TLN2: variants seen among roughly 807,000 people sequenced by gnomAD.
TLN2 encodes the protein talin 2.
Under a neutral mutation model 294.7 loss-of-function variants are expected in TLN2, and 118 were observed. That is an observed-to-expected ratio of 0.40 (90% CI 0.34 to 0.47). The LOEUF is 0.47. TLN2 is among the 20% of genes least tolerant of loss of function. The pLI is 0.84. For missense variants in TLN2, 3,083 were observed against 3,282.2 expected (o/e 0.94, Z 1.48); for synonymous variants, 1,431 against 1,304.5 (o/e 1.10, Z -2.09).
rs895565810 is a variant in TLN2, at chr15:62,711,816, C to G, written c.2468-95C>G. On this transcript the variant is annotated intron_variant, in intron 21 of 58. Transcript: ENST00000636159. ...GGTTCAGTTTTTTTGCTCCTGCTTA[C>G]CAGAGGAGTAGAGACAAGACTGTAG... 24 of 1,395,526 alleles carry G rather than the reference C, an allele frequency of 1.7e-5. No individual in the cohort carries two copies. In the African/African-American group the frequency reaches 3.3e-4, roughly 19 times the overall value. 86.4% of individuals were successfully genotyped at this position (1,395,526 alleles called of 1,614,324 possible).
chr15:62,540,263 C>A (rs1478340116), intron 1 of TLN2, among the ~76,000 whole-genome samples: 4 of 152,192 alleles, frequency 2.6e-5, no homozygotes, highest in Admixed American at 1.3e-4. Context: ...TCGCTTGAAC[C>A]CGGAAGGCAG....
chr15:62,410,433 C>T lies in TLN2; in HGVS notation c.-238+19748C>T, dbSNP rs149172183. Among the ~76,000 whole-genome samples, 123 of 152,056 alleles carry T rather than the reference C, an allele frequency of 8.1e-4. 2 individuals are homozygous for T. In the East Asian group the frequency reaches 0.01, roughly 12 times the overall value. The stretch of plus-strand genomic sequence containing the variant: ...CCTAAAAAGGATGAATTTTACTTTA[C>T]GTAATTATACTTTAATAAACCTGAT... On this transcript the variant is annotated intron_variant, in intron 1 of 58. Coordinates refer to ENST00000636159, the MANE Select transcript of TLN2 (RefSeq NM_015059.3).
chr15:62,486,956 C>G (rs1035555171), intron 1 of TLN2, among the ~76,000 whole-genome samples: 1 of 152,010 alleles, frequency 6.6e-6, no homozygotes, highest in Non-Finnish European at 1.5e-5. Flanking sequence ...TTGAACACAC[C>G]GTTAATCTCT....
At chr15:62,555,124 C>T (rs904967390) in intron 1 of TLN2, among the ~76,000 whole-genome samples, 1 of 152,146 alleles carries the variant, frequency 6.6e-6, no homozygotes, top group Non-Finnish European at 1.5e-5. Flanking sequence ...CTAAATCCTA[C>T]AGGCACACCC....
At chr15:62,758,958 C>T (rs34639998) in intron 37 of TLN2, among the ~76,000 whole-genome samples, 139,968 of 152,040 alleles carry the variant, frequency 0.92, 65,202 homozygotes, top group East Asian at 1. Context: ...ATGAATCTGA[C>T]TTTGTGCATA....
At position 62,425,629 on chromosome 15, in the gene TLN2, TTG is replaced by T. The variant is rs2034667978; in HGVS notation, c.-238+34946_-238+34947del. ...GGAGTGAGTCTTCCTGCTTTGGTGT[TTG>T]TCTCTTGTACTGTCATAATTGTGTT... On this transcript the variant is annotated intron_variant, in intron 1 of 58. Coordinates refer to ENST00000636159, the MANE Select transcript of TLN2 (RefSeq NM_015059.3). Among the ~76,000 whole-genome samples the T allele has an allele frequency of 3.9e-5, 6 of 152,224 alleles. No individual in the cohort carries two copies. The South Asian group carries it at 1.2e-3, about 32-fold the overall frequency.
At chr15:62,455,726 C>G (rs2036438417) in intron 1 of TLN2, among the ~76,000 whole-genome samples, 1 of 152,160 alleles carries the variant, frequency 6.6e-6, no homozygotes, top group African/African-American at 2.4e-5. Flanking sequence ...CCTCTAACAC[C>G]CTCTCTCCCT....
chr15:62,496,643 C>T (rs1178844572), intron 1 of TLN2, among the ~76,000 whole-genome samples: 1 of 152,178 alleles, frequency 6.6e-6, no homozygotes, highest in Non-Finnish European at 1.5e-5. Flanking sequence ...ATGATCAGTG[C>T]CTGATTGTTC....
chr15:62,766,280 G>T, intron 40 of TLN2, 41 bp from the exon 41 acceptor site: 1 of 1,560,734 alleles, frequency 6.4e-7, no homozygotes, highest in South Asian at 1.1e-5. Flanking sequence ...GCTCTGTGGG[G>T]AGCTGTTATG....
Position 62,578,557 on chromosome 15 carries a change from C to T in TLN2, c.-237-11130C>T, listed in dbSNP as rs915184322. The stretch of plus-strand genomic sequence containing the variant: ...CCCCAGCCTGGGTGACAGAACAAGA[C>T]TCCGTCTCAAAACAAACAAACAAAA... On this transcript the variant is annotated intron_variant, in intron 1 of 58. Coordinates refer to ENST00000636159, the MANE Select transcript of TLN2 (RefSeq NM_015059.3). Among the ~76,000 whole-genome samples, 8 of 152,286 alleles carry T rather than the reference C, an allele frequency of 5.3e-5. No individual in the cohort carries two copies. The East Asian group carries it at 1.4e-3, about 26-fold the overall frequency.
At chr15:62,434,583 C>T (rs2035193987) in intron 1 of TLN2, among the ~76,000 whole-genome samples, 1 of 152,114 alleles carries the variant, frequency 6.6e-6, no homozygotes, top group East Asian at 1.9e-4. Flanking sequence ...TTTAATATTG[C>T]TAAATTGTCC....
intron 1 of TLN2, among the ~76,000 whole-genome samples, chr15:62,542,773 A>G (rs1376663752): frequency 6.6e-6 from 1 of 152,076 alleles, no homozygotes; most frequent in Non-Finnish European, 1.5e-5. Flanking sequence ...GGGCCTCACC[A>G]TCATGCTGTC....
At chr15:62,662,120 T>C (rs944263014) in intron 9 of TLN2, among the ~76,000 whole-genome samples, 26 of 151,782 alleles carry the variant, frequency 1.7e-4, no homozygotes, top group African/African-American at 6.3e-4. Flanking sequence ...AGAGAATCAA[T>C]AAACCCAAAA....
intron 11 of TLN2, chr15:62,683,192 T>G (rs28550693): frequency 0.09 from 13,668 of 152,256 alleles, 982 homozygotes; most frequent in African/African-American, 0.2. Context: ...GAAGTGAGGG[T>G]CCAGGAGCCA....
chr15:62,601,198 T>G (rs1260903023), intron 2 of TLN2, among the ~76,000 whole-genome samples: 1 of 152,180 alleles, frequency 6.6e-6, no homozygotes, highest in Non-Finnish European at 1.5e-5. Flanking sequence ...CATTTTTGGT[T>G]GTCACAACTG....
chr15:62,472,001 A>G lies in TLN2; in HGVS notation c.-238+81316A>G, dbSNP rs1316727956. Among the ~76,000 whole-genome samples, 6 of 152,078 alleles carry G rather than the reference A, an allele frequency of 3.9e-5. No homozygotes were observed. The East Asian group carries it at 1.2e-3, about 29-fold the overall frequency. On this transcript the variant is annotated intron_variant, in intron 1 of 58. Coordinates refer to ENST00000636159, the MANE Select transcript of TLN2 (RefSeq NM_015059.3). ...CCCTGCGCTTGACATTCTCCACTGC[A>G]TTCAGAATAAAGTTCCAATATCTTA...
Position 62,763,686 on chromosome 15 carries a change from C to A in TLN2, c.5085C>A (p.Ile1695=). ...AGAGCCTGGCCACGAGGGACGACAT[C>A]TCTGTGGAGGTAAGCTGGGAATCTG... ...VSQSLATRDD[I]SVEALQEQLT... Residue 1695 remains isoleucine (I), a synonymous_variant, in exon 40 of 59, where the codon ATC becomes ATA. Coordinates refer to ENST00000636159, the MANE Select transcript of TLN2 (RefSeq NM_015059.3). The A allele has an allele frequency of 6.2e-7, 1 of 1,608,068 alleles. No individual in the cohort carries two copies. The highest frequency in any genetic ancestry group is 8.5e-7 in the Non-Finnish European group (1 of 1,177,028).
Position 62,747,762 on chromosome 15 carries a change from G to A in TLN2, c.4026-589G>A, listed in dbSNP as rs577529572. On this transcript the variant is annotated intron_variant, in intron 32 of 58. Coordinates refer to ENST00000636159, the MANE Select transcript of TLN2 (RefSeq NM_015059.3). ...CTTTACCAACAGCCTACTGCTGACT[G>A]GAAGCCTTGCTGATACCATGAACAG... 3.9e-5 allele frequency among the ~76,000 whole-genome samples: 6 copies of A among 152,300 alleles called. No homozygotes were observed. In the South Asian group the frequency reaches 8.3e-4, roughly 21 times the overall value.
At chr15:62,547,231 A>G (rs1207850900) in intron 1 of TLN2, among the ~76,000 whole-genome samples, 2 of 152,248 alleles carry the variant, frequency 1.3e-5, no homozygotes, top group Non-Finnish European at 2.9e-5. Flanking sequence ...AAACATGTTC[A>G]GATACTGTTA....
Sources: gnomAD v4.1 joint callset for allele counts (sites outside exome capture counted in the v4.1 genomes callset) on GRCh38, gnomAD v4.1.1 for gene constraint, MANE v1.5 for transcripts, NCBI Gene and HGNC (gene_info 2026-07-23, HGNC 2026-07-21) for gene names.